Variants in PACRG observed in about 807,000 individuals in gnomAD.
PACRG encodes the protein parkin coregulated gene protein.
In PACRG, 29 loss-of-function variants were observed where a neutral mutation model predicts 29.7. That is an observed-to-expected ratio of 0.98 (90% confidence interval 0.73 to 1.33). PACRG has a LOEUF of 1.33. Among genes scored for constraint, PACRG ranks in the 40% most tolerant of loss-of-function variants. The pLI is 0.00. For missense variants in PACRG, 279 were observed against 316.2 expected, an observed-to-expected ratio of 0.88 and a Z score of 0.89; for synonymous variants, 116 against 118.7, an observed-to-expected ratio of 0.98 and a Z score of 0.15.
chr6:162,825,978 G>A (rs1407440188), intron 2 of PACRG, among the ~76,000 whole-genome samples: 3 of 150,438 alleles, frequency 2.0e-5, no homozygotes, highest in Non-Finnish European at 1.5e-5. Context: ...CGTATTTATA[G>A]TTTTGGCCAT....
intron 2 of PACRG, among the ~76,000 whole-genome samples, chr6:162,875,898 T>G (rs1793302870): frequency 6.6e-6 from 1 of 152,230 alleles, no homozygotes; most frequent in Admixed American, 6.5e-5. Context: ...TTCTTTCTAT[T>G]TCCCTGGAGC....
At chr6:163,141,584 A>G (rs1429693152) in intron 4 of PACRG, among the ~76,000 whole-genome samples, 6 of 152,062 alleles carry the variant, frequency 3.9e-5, no homozygotes, top group Non-Finnish European at 8.8e-5. Context: ...TTCCATACCT[A>G]AAACCATGCT....
intron 1 of PACRG, among the ~76,000 whole-genome samples, chr6:162,771,607 A>T (rs1490811655): frequency 5.3e-5 from 8 of 152,128 alleles, no homozygotes; most frequent in African/African-American, 1.9e-4. Flanking sequence ...CGTTTCTCAA[A>T]CTATGTTAAA....
At chr6:162,933,537 T>C (rs1244472633) in intron 2 of PACRG, among the ~76,000 whole-genome samples, 1 of 151,906 alleles carries the variant, frequency 6.6e-6, no homozygotes, top group East Asian at 1.9e-4. Context: ...AGCATAAATA[T>C]TTACAATTGT....
chr6:162,763,675 G>A (rs1404599741), intron 1 of PACRG, among the ~76,000 whole-genome samples: 3 of 152,140 alleles, frequency 2.0e-5, no homozygotes, highest in African/African-American at 7.2e-5. Flanking sequence ...GTAGATGGTG[G>A]CATCAGTATT....
chr6:162,894,474 A>C (rs1267933578), intron 2 of PACRG, among the ~76,000 whole-genome samples: 1 of 152,192 alleles, frequency 6.6e-6, no homozygotes, highest in Non-Finnish European at 1.5e-5. Flanking sequence ...AAATAACACA[A>C]AATTGGGAAA....
At chr6:163,184,670 G>A (rs1190791103) in intron 4 of PACRG, among the ~76,000 whole-genome samples, 1 of 152,148 alleles carries the variant, frequency 6.6e-6, no homozygotes, top group African/African-American at 2.4e-5. Context: ...TGTTTGAGAG[G>A]AGTTAACTCA....
At chr6:163,215,426 CT>C (rs1434719607) in intron 4 of PACRG, among the ~76,000 whole-genome samples, 1 of 152,146 alleles carries the variant, frequency 6.6e-6, no homozygotes, top group Non-Finnish European at 1.5e-5. Flanking sequence ...TTTTCTGTCT[CT>C]TCTGGAGTCA....
At chr6:163,001,831 C>T (rs1312342067) in intron 2 of PACRG, among the ~76,000 whole-genome samples, 2 of 152,024 alleles carry the variant, frequency 1.3e-5, no homozygotes, top group Non-Finnish European at 2.9e-5. Context: ...TAAATTCCAG[C>T]CTAATGTGCC....
chr6:162,998,328 A>G (rs528360112), intron 2 of PACRG, among the ~76,000 whole-genome samples: 1 of 152,076 alleles, frequency 6.6e-6, no homozygotes, highest in Non-Finnish European at 1.5e-5. Context: ...TATGCAACTC[A>G]GGATCTCCAG....
chr6:162,882,454 A>C (rs779923192), intron 2 of PACRG, among the ~76,000 whole-genome samples: 68 of 152,170 alleles, frequency 4.5e-4, no homozygotes, highest in Non-Finnish European at 7.9e-4. Flanking sequence ...CTCTACCAAG[A>C]CTATAGATGG....
intron 2 of PACRG, among the ~76,000 whole-genome samples, chr6:162,903,395 A>G (rs753577903): frequency 2.0e-5 from 3 of 152,228 alleles, no homozygotes; most frequent in African/African-American, 7.2e-5. Context: ...TGATATATAC[A>G]TACCCAAGAC....
At chr6:162,844,868 C>G (rs1042168335) in intron 2 of PACRG, among the ~76,000 whole-genome samples, 1 of 152,094 alleles carries the variant, frequency 6.6e-6, no homozygotes, top group African/African-American at 2.4e-5. Context: ...ACCAGTTACT[C>G]CATCATGGCT....
intron 1 of PACRG, among the ~76,000 whole-genome samples, chr6:162,778,779 G>A (rs1030658524): frequency 6.6e-6 from 1 of 152,196 alleles, no homozygotes; most frequent in Non-Finnish European, 1.5e-5. Context: ...GGAGCAGCAC[G>A]CCCTGAACCC....
rs79724201 is a variant in PACRG, at chr6:163,253,417, C to T, written c.614-61410C>T. Among the ~76,000 whole-genome samples the T allele has an allele frequency of 4.8e-3, 732 of 151,822 alleles. 4 individuals carry two copies. The highest frequency in any genetic ancestry group is 0.017 in the African/African-American group (707 of 41,376). ...TAATAAAATCGAATTGGTTGGAATC[C>T]AAAGGCATTTTAAAGTTTCAGAACA... On this transcript the variant is annotated intron_variant, in intron 4 of 4. Coordinates refer to ENST00000366888, the MANE Select transcript of PACRG (RefSeq NM_001080379.2).
intron 1 of PACRG, among the ~76,000 whole-genome samples, chr6:162,783,650 T>C (rs1315327310): frequency 1.3e-5 from 2 of 152,060 alleles, no homozygotes; most frequent in African/African-American, 2.4e-5. Context: ...AAATATGCTA[T>C]GATAATTATT....
At chr6:163,140,467 T>C (rs1030416755) in intron 4 of PACRG, among the ~76,000 whole-genome samples, 11 of 151,918 alleles carry the variant, frequency 7.2e-5, no homozygotes, top group Non-Finnish European at 1.5e-4. Context: ...AGAAATAAAA[T>C]AAAAATCTGC....
chr6:163,218,452 A>G (rs1181963714), intron 4 of PACRG, among the ~76,000 whole-genome samples: 2 of 151,724 alleles, frequency 1.3e-5, no homozygotes, highest in African/African-American at 4.8e-5. Flanking sequence ...CTTCAACAGA[A>G]CTCCTTCCAA....
chr6:162,761,246 A>G (rs1379392332), intron 1 of PACRG, among the ~76,000 whole-genome samples: 5 of 152,242 alleles, frequency 3.3e-5, no homozygotes, highest in African/African-American at 1.2e-4. Flanking sequence ...CTGCTTATCC[A>G]GAAATGAATT....
Sources: allele counts gnomAD v4.1 joint callset (sites outside exome capture counted in the v4.1 genomes callset), GRCh38; gene constraint gnomAD v4.1.1; transcripts MANE v1.5; gene names NCBI Gene and HGNC (gene_info 2026-07-23, HGNC 2026-07-21).